The following RPTOR variants were observed in gnomAD, a reference collection of about 807,000 sequenced individuals.
The protein encoded by RPTOR is regulatory-associated protein of mTOR.
A neutral mutation model predicts 169.9 loss-of-function variants in RPTOR; 21 were observed. That is an observed-to-expected ratio of 0.12 (90% CI 0.09 to 0.18). The LOEUF (loss-of-function observed/expected upper bound fraction) is 0.18. Ranked by LOEUF, RPTOR falls within the 10% of genes least tolerant of loss-of-function variation. The pLI is 1.00. For missense variants in RPTOR, 1,133 were observed against 1,855.9 expected (o/e 0.61, Z 7.16); for synonymous variants, 732 against 753.2 (o/e 0.97, Z 0.46).
intron 3 of RPTOR, among the ~76,000 whole-genome samples, chr17:80,658,006 C>T (rs982226366): frequency 3.3e-5 from 5 of 152,098 alleles, no homozygotes; most frequent in Non-Finnish European, 5.9e-5. Flanking sequence ...TTACTACATA[C>T]CCTTACTGTG....
chr17:80,841,334 T>C (rs1227174766), intron 10 of RPTOR, among the ~76,000 whole-genome samples: 202 of 32,414 alleles, frequency 6.2e-3, no homozygotes, highest in Middle Eastern at 0.025. Flanking sequence ...CGGCAGCTCA[T>C]TCACCGCACG....
rs929456458 is a variant in RPTOR, at chr17:80,746,395, G to A, written c.655-7615G>A. The stretch of plus-strand genomic sequence containing the variant: ...TGCAGGGAGCGGACGGCAGGCCTGG[G>A]GCGTGCTGCCCGCTTACCTCATGAA... On this transcript the variant is annotated intron_variant, in intron 5 of 33. Coordinates refer to ENST00000306801, the MANE Select transcript of RPTOR (RefSeq NM_020761.3). The surrounding 1 kb of genome is among the most constrained non-coding windows in gnomAD (Gnocchi z 4.5). Among the ~76,000 whole-genome samples, 3 of 152,160 alleles carry A rather than the reference G, an allele frequency of 2.0e-5. No homozygotes were observed. Among genetic ancestry groups the A allele is most frequent in the Non-Finnish European group, 4.4e-5 (3 of 68,024 alleles).
intron 21 of RPTOR, among the ~76,000 whole-genome samples, chr17:80,915,142 T>G (rs1266065406): frequency 6.7e-6 from 1 of 149,878 alleles, no homozygotes; most frequent in Non-Finnish European, 1.5e-5. Flanking sequence ...AGCTGCACAC[T>G]CCAGGGTCTC....
chr17:80,554,557 C>T (rs2084382647), intron 1 of RPTOR, among the ~76,000 whole-genome samples: 1 of 152,036 alleles, frequency 6.6e-6, no homozygotes, highest in African/African-American at 2.4e-5. Flanking sequence ...TCCTGGCTAA[C>T]ACGATGAAAC....
intron 24 of RPTOR, among the ~76,000 whole-genome samples, chr17:80,938,323 G>A (rs1458140648): frequency 2.0e-5 from 3 of 152,296 alleles, no homozygotes; most frequent in African/African-American, 4.8e-5. Flanking sequence ...AGAGTGCCGG[G>A]CCAAGGAGCT....
intron 28 of RPTOR, among the ~76,000 whole-genome samples, chr17:80,954,516 C>T (rs1274500312): frequency 1.3e-5 from 2 of 151,990 alleles, no homozygotes; most frequent in African/African-American, 4.8e-5. Flanking sequence ...TCCTCTGTCT[C>T]GGCCTCCCAA....
intron 3 of RPTOR, among the ~76,000 whole-genome samples, chr17:80,652,691 CT>C (rs2065650301): frequency 6.6e-6 from 1 of 152,174 alleles, no homozygotes; most frequent in Non-Finnish European, 1.5e-5. Flanking sequence ...CACCTTTTAG[CT>C]ATTTGAATAA....
chr17:80,857,356 C>G (rs1318178100), intron 12 of RPTOR, among the ~76,000 whole-genome samples: 1 of 152,180 alleles, frequency 6.6e-6, no homozygotes, highest in Non-Finnish European at 1.5e-5. Flanking sequence ...GGAGAGGTGG[C>G]CGTGGTGTCA....
chr17:80,858,798 GT>G (rs1471109513), intron 13 of RPTOR, among the ~76,000 whole-genome samples: 1 of 152,242 alleles, frequency 6.6e-6, no homozygotes, highest in African/African-American at 2.4e-5. Flanking sequence ...CCCTGTGGCT[GT>G]GTGCGGGGAC....
chr17:80,629,351 T>C (rs1381103412), intron 2 of RPTOR, among the ~76,000 whole-genome samples: 1 of 151,282 alleles, frequency 6.6e-6, no homozygotes, highest in South Asian at 2.1e-4. Flanking sequence ...TCGTTGGACA[T>C]TGTACTGCAG....
intron 7 of RPTOR, among the ~76,000 whole-genome samples, chr17:80,821,938 G>C (rs1175650975): frequency 6.6e-6 from 1 of 152,190 alleles, no homozygotes; most frequent in African/African-American, 2.4e-5. Flanking sequence ...AGCTGGGCTT[G>C]GTCTGTAAGT....
At chr17:80,934,576 C>G (rs1487836898) in intron 24 of RPTOR, among the ~76,000 whole-genome samples, 1 of 152,172 alleles carries the variant, frequency 6.6e-6, no homozygotes, top group Non-Finnish European at 1.5e-5. Context: ...TCAGACTGGT[C>G]TCAAACTTCT....
chr17:80,737,248 G>GGCTAGA (rs1243605855), intron 5 of RPTOR, among the ~76,000 whole-genome samples: 2 of 152,224 alleles, frequency 1.3e-5, no homozygotes, highest in African/African-American at 4.8e-5. Context: ...AGGAGGCGTT[G>GGCTAGA]GCTAGAGGGC....
At chr17:80,896,138 T>A (rs2068395815) in intron 20 of RPTOR, among the ~76,000 whole-genome samples, 1 of 152,168 alleles carries the variant, frequency 6.6e-6, no homozygotes, top group Admixed American at 6.5e-5. Flanking sequence ...TCCTTTTTTG[T>A]GTTCATGTCT....
At chr17:80,808,143 A>G (rs2067238231) in intron 7 of RPTOR, among the ~76,000 whole-genome samples, 1 of 151,838 alleles carries the variant, frequency 6.6e-6, no homozygotes. Flanking sequence ...AAAAAAAAAA[A>G]GTTAGGCATG....
In RPTOR at chr17:80,623,937, G is replaced by T. The variant is rs117265755; in HGVS notation, c.163-1754G>T. On this transcript the variant is annotated intron_variant, in intron 1 of 33. Coordinates refer to ENST00000306801, the MANE Select transcript of RPTOR (RefSeq NM_020761.3). Reference sequence around the variant, plus strand: ...TTTAGAGATGGGGTCTTGCTGTGTTGCCTAGGCCGGAGTGCAGTGGCTGTT... The same window carrying T: ...TTTAGAGATGGGGTCTTGCTGTGTTTCCTAGGCCGGAGTGCAGTGGCTGTT... Among the ~76,000 whole-genome samples the T allele has an allele frequency of 2.6e-3, 397 of 152,168 alleles. 1 individual carries two copies. The highest frequency in any genetic ancestry group is 5.4e-3 in the Admixed American group (83 of 15,284).
chr17:80,588,319 C>T lies in RPTOR; in HGVS notation c.163-37372C>T, dbSNP rs150324322. 3.4e-3 allele frequency among the ~76,000 whole-genome samples: 524 copies of T among 152,116 alleles called. 1 individual carries two copies. Among genetic ancestry groups the T allele is most frequent in the African/African-American group, 0.012 (496 of 41,518 alleles). ...CTGGGATTACAGGTGTTCACCACCA[C>T]GCCTGGCTAATTTTTGTATTTTTAG... On this transcript the variant is annotated intron_variant, in intron 1 of 33. Transcript: ENST00000306801.
chr17:80,840,272 G>C (rs1287467546), intron 10 of RPTOR, among the ~76,000 whole-genome samples: 11 of 152,128 alleles, frequency 7.2e-5, no homozygotes, highest in Admixed American at 7.2e-4. Context: ...CATTGTTTGA[G>C]TAAGCTCACT....
intron 1 of RPTOR, among the ~76,000 whole-genome samples, chr17:80,601,552 A>T: frequency 3.6e-5 from 1 of 27,496 alleles, no homozygotes; most frequent in Non-Finnish European, 7.6e-5. Context: ...AAGATGGTTC[A>T]GTCTTTTTTT....
Sources: gnomAD v4.1 joint callset for allele counts (sites outside exome capture counted in the v4.1 genomes callset) on GRCh38, gnomAD v4.1.1 for gene constraint, Gnocchi (gnomAD v3.1) non-coding constraint, MANE v1.5 for transcripts, NCBI Gene and HGNC (gene_info 2026-07-23, HGNC 2026-07-21) for gene names.